IQCE: variants seen among roughly 807,000 people sequenced by gnomAD.
The protein encoded by IQCE is IQ domain-containing protein E.
IQCE carries 115 observed loss-of-function variants against 96.0 expected under a neutral mutation model. The ratio of observed to expected loss-of-function variants is 1.20; its 90% CI spans 1.03 to 1.40. IQCE has a LOEUF of 1.40. Ranked by LOEUF, IQCE falls within the 40% of genes most tolerant of loss-of-function variation. The probability of loss-of-function intolerance (pLI) is 0.00; values close to 1 mark genes in which losing one functional copy is unlikely to be tolerated. For synonymous variants in IQCE, 412 were observed against 371.2 expected (o/e 1.11, Z -1.26); for missense variants, 1,041 against 909.1 (o/e 1.15, Z -1.87).
chr7:2,597,081 G>A (rs868255463), intron 16 of IQCE: 3 of 471,172 alleles, frequency 6.4e-6, no homozygotes, highest in South Asian at 3.1e-5. Context: ...AGGCGGCAGG[G>A]TCGTGCGGAA....
intron 1 of IQCE, among the ~76,000 whole-genome samples, chr7:2,562,606 T>C (rs183299938): frequency 0.014 from 2,079 of 147,794 alleles, 45 homozygotes; most frequent in African/African-American, 0.047. Flanking sequence ...TTTTTTTTTT[T>C]CCCCCTGTAT....
intron 2 of IQCE, among the ~76,000 whole-genome samples, chr7:2,567,913 C>T (rs546409476): frequency 3.9e-5 from 6 of 152,296 alleles, no homozygotes; most frequent in East Asian, 3.9e-4. Context: ...TCTGATGTTC[C>T]CCGGAGGAGG....
chr7:2,559,844 A>G (rs1023578193), intron 1 of IQCE, among the ~76,000 whole-genome samples: 14 of 150,738 alleles, frequency 9.3e-5, no homozygotes, highest in African/African-American at 3.4e-4. Flanking sequence ...AGTGCTGTGC[A>G]GAAAATGAAA....
At chr7:2,589,752 C>T (rs1451234167) in intron 13 of IQCE, among the ~76,000 whole-genome samples, 155 bp from the exon 14 acceptor site, 3 of 152,162 alleles carry the variant, frequency 2.0e-5, no homozygotes, top group African/African-American at 2.4e-5. Context: ...AGCTTGTGCC[C>T]GGCAGCTTCT....
intron 1 of IQCE, among the ~76,000 whole-genome samples, chr7:2,563,260 G>A (rs566584467): frequency 2.0e-5 from 3 of 152,168 alleles, no homozygotes; most frequent in Non-Finnish European, 2.9e-5. Flanking sequence ...GCAGTGGTGC[G>A]ATCATGGCTC....
At chr7:2,576,962 G>A (rs1284035191) in intron 6 of IQCE, among the ~76,000 whole-genome samples, 1 of 152,166 alleles carries the variant, frequency 6.6e-6, no homozygotes, top group African/African-American at 2.4e-5. Context: ...GCATTCCGTG[G>A]GACGGGGTTT....
intron 21 of IQCE, 72 bp from the exon 22 acceptor site, chr7:2,609,972 G>A: frequency 1.2e-6 from 1 of 850,282 alleles, no homozygotes; most frequent in South Asian, 1.4e-5. Flanking sequence ...AGCAGACAGT[G>A]TAAGGGTGTC....
At chr7:2,561,024 C>G (rs1279143819) in intron 1 of IQCE, among the ~76,000 whole-genome samples, 1 of 150,946 alleles carries the variant, frequency 6.6e-6, no homozygotes, top group Non-Finnish European at 1.5e-5. Context: ...ATGATGCCAT[C>G]TCAGATCACT....
At chr7:2,575,146 A>T (rs890030778) in intron 6 of IQCE, among the ~76,000 whole-genome samples, 1 of 152,222 alleles carries the variant, frequency 6.6e-6, no homozygotes, top group Non-Finnish European at 1.5e-5. Flanking sequence ...GATTTCCTTG[A>T]AACCAGGACG....
intron 11 of IQCE, 85 bp downstream of exon 11, chr7:2,584,370 G>A: frequency 7.8e-7 from 1 of 1,288,386 alleles, no homozygotes; most frequent in Non-Finnish European, 1.1e-6. Flanking sequence ...TGTCACGTGG[G>A]TGCGGCATAT....
intron 6 of IQCE, 67 bp from the exon 7 acceptor site, chr7:2,578,175 G>A (rs1264604291): frequency 5.7e-6 from 7 of 1,224,566 alleles, no homozygotes; most frequent in African/African-American, 1.6e-5. Context: ...CTGTGTGCGC[G>A]GGGACGTGTG....
Position 2,614,675 on chromosome 7 carries a change from C to A in IQCE, c.*4513C>A, listed in dbSNP as rs972228458. The A allele has an allele frequency of 1.2e-4, 18 of 152,212 alleles. No homozygotes were observed. Among genetic ancestry groups the A allele is most frequent in the African/African-American group, 3.9e-4 (16 of 41,438 alleles). 9.4% of individuals were successfully genotyped at this position (152,212 alleles called of 1,614,324 possible). On this transcript the variant is annotated 3_prime_UTR_variant, in exon 22 of 22. Transcript: ENST00000402050. ...AAGGGATAAGGTTTTCATTCTTGTG[C>A]AACTCATTATTCTCATTATTGGCCT...
At chr7:2,601,359 G>C in intron 17 of IQCE, 82 bp from the exon 18 acceptor site, 1 of 974,572 alleles carries the variant, frequency 1.0e-6, no homozygotes, top group Non-Finnish European at 1.6e-6. Context: ...ATGGACACCT[G>C]TTGGCAAGAT....
At chr7:2,598,279 C>G in intron 16 of IQCE, 186 bp from the exon 17 acceptor site, 1 of 537,714 alleles carries the variant, frequency 1.9e-6, no homozygotes, top group Non-Finnish European at 3.3e-6. Flanking sequence ...CGCTGTCTCT[C>G]AGCAGTACAA....
intron 11 of IQCE, among the ~76,000 whole-genome samples, chr7:2,584,942 C>T (rs1424142776): frequency 1.3e-5 from 2 of 152,202 alleles, no homozygotes; most frequent in South Asian, 2.1e-4. Flanking sequence ...GTGGTAATCA[C>T]GTCCGCCTTA....
rs767908053 is a variant in IQCE, at chr7:2,589,996, G to C, written c.1134G>C (p.Leu378=). 1 of 1,613,952 alleles carries C rather than the reference G, an allele frequency of 6.2e-7. No individual in the cohort carries two copies. Among genetic ancestry groups the C allele is most frequent in the East Asian group, 2.2e-5 (1 of 44,890 alleles). Reference sequence around the variant, plus strand: ...CCTGCCTTGCATCCAGCTCTGCGCTGCACAGACAGCCACGAGGGGACCGCA... The same window carrying C: ...CCTGCCTTGCATCCAGCTCTGCGCTCCACAGACAGCCACGAGGGGACCGCA... The part of the protein sequence containing the change: ...PPACLASSSA[L]HRQPRGDRNK... The change falls in exon 14 of 22, where the codon CTG becomes CTC. Residue 378 remains leucine, a synonymous_variant. Transcript: ENST00000402050.
rs559734834 is a variant in IQCE at position 2,567,423 on chromosome 7, C to T, written c.84+260C>T. On this transcript the variant is annotated intron_variant, in intron 2 of 21. Transcript: ENST00000402050. Reference sequence around the variant, plus strand: ...CAGATTGCTAGTCCCTGGCCTGCAGCTGGTTTTGCCCTGCACCCCACGCCC... The same window carrying T: ...CAGATTGCTAGTCCCTGGCCTGCAGTTGGTTTTGCCCTGCACCCCACGCCC... 1.2e-3 allele frequency among the ~76,000 whole-genome samples: 178 copies of T among 152,362 alleles called. 2 individuals are homozygous for T. The South Asian group carries it at 0.034, about 29-fold the overall frequency.
At chr7:2,586,701 G>A (rs534168081) in intron 12 of IQCE, among the ~76,000 whole-genome samples, 1 of 152,212 alleles carries the variant, frequency 6.6e-6, no homozygotes, top group Non-Finnish European at 1.5e-5. Context: ...GGCAGGTGGT[G>A]TGTGCAGCTG....
At chr7:2,601,827 G>C (rs1024359297) in intron 18 of IQCE, 57 of 238,464 alleles carry the variant, frequency 2.4e-4, no homozygotes, top group Non-Finnish European at 4.2e-4. Context: ...AGGAATTACA[G>C]GCGTGAGCCA....
Sources: gnomAD v4.1 joint callset for allele counts (sites outside exome capture counted in the v4.1 genomes callset) on GRCh38, gnomAD v4.1.1 for gene constraint, MANE v1.5 for transcripts, NCBI Gene and HGNC (gene_info 2026-07-23, HGNC 2026-07-21) for gene names.